OTULIN: variants seen among roughly 807,000 people sequenced by gnomAD.
OTULIN encodes ubiquitin thioesterase otulin.
OTULIN carries 15 observed loss-of-function variants against 39.6 expected under a neutral mutation model. That is an observed-to-expected ratio of 0.38 (90% CI 0.25 to 0.58). OTULIN has a LOEUF of 0.58. Among genes scored for constraint, OTULIN ranks in the 20% least tolerant of loss-of-function variants. OTULIN has a pLI of 0.66. For synonymous variants in OTULIN, 156 were observed against 170.3 expected (o/e 0.92, Z 0.65); for missense variants, 319 against 445.9 (o/e 0.72, Z 2.56).
the OTULIN span, chr5:14,712,979 G>T: frequency 6.2e-6 from 10 of 1,610,958 alleles, no homozygotes; most frequent in South Asian, 1.1e-4. Flanking sequence ...GCACCCTGCA[G>T]ATGAGAACAC....
chr5:14,711,126 G>A, the OTULIN span: 2 of 1,262,426 alleles, frequency 1.6e-6, no homozygotes, highest in Non-Finnish European at 2.3e-6. Flanking sequence ...AATACGATGG[G>A]AGAGGGAAGA....
the OTULIN span, chr5:14,713,114 C>A: frequency 1.2e-6 from 1 of 833,048 alleles, no homozygotes; most frequent in South Asian, 1.5e-5. The surrounding 1 kb of genome is among the most constrained non-coding windows in gnomAD (Gnocchi z 4.4). Flanking sequence ...TTCGTAAGGG[C>A]CGCAGCTAAT....
At chr5:14,704,055 G>A (rs1300433042), downstream of OTULIN, among the ~76,000 whole-genome samples, 1 of 152,106 alleles carries the variant, frequency 6.6e-6, no homozygotes, top group African/African-American at 2.4e-5. Context: ...ATGCTGGCCG[G>A]GCGTGGTGGC....
Position 14,673,734 on chromosome 5 carries a change from T to A in OTULIN, c.229+16T>A. 1.2e-6 allele frequency: 2 copies of A among 1,608,148 alleles called. No individual in the cohort carries two copies. The highest frequency in any genetic ancestry group is 8.5e-7 in the Non-Finnish European group (1 of 1,175,840). On this transcript the variant is annotated intron_variant, in intron 2 of 6. Transcript: ENST00000284274. ...GGGGCATCAGGTATGTTTGGAATTG[T>A]TTTATTTATAGAGTTCTTATTGTTT...
At chr5:14,681,425 A>T in intron 3 of OTULIN, 39 bp from the exon 4 acceptor site, 2 of 1,565,990 alleles carry the variant, frequency 1.3e-6, no homozygotes, top group South Asian at 2.4e-5. Context: ...ATCTCAAGTC[A>T]GTAACGACCA....
chr5:14,667,589 G>A (rs1474013413), intron 1 of OTULIN, among the ~76,000 whole-genome samples: 1 of 152,150 alleles, frequency 6.6e-6, no homozygotes, highest in Non-Finnish European at 1.5e-5. Context: ...GGCCCAGGCC[G>A]GTCTCTACCT....
chr5:14,692,768 A>G, intron 6 of OTULIN, 86 bp from the exon 7 acceptor site: 1 of 1,173,394 alleles, frequency 8.5e-7, no homozygotes, highest in Non-Finnish European at 1.2e-6. Flanking sequence ...ATTGCTGTGC[A>G]CTGTGGGATA....
intron 4 of OTULIN, among the ~76,000 whole-genome samples, chr5:14,687,253 C>T (rs258374): frequency 6.6e-6 from 1 of 151,944 alleles, no homozygotes; most frequent in Non-Finnish European, 1.5e-5. Flanking sequence ...ATGTCCTGGC[C>T]GTGGTTGGAG....
chr5:14,705,954 T>C, the OTULIN span: 1 of 152,186 alleles, frequency 6.6e-6, no homozygotes, highest in Middle Eastern at 3.2e-3. Context: ...CGCCATTTCT[T>C]GCCCTGGCTT....
At chr5:14,711,578 C>T in the OTULIN span, among the ~76,000 whole-genome samples, 3 of 152,192 alleles carry the variant, frequency 2.0e-5, no homozygotes, top group Non-Finnish European at 2.9e-5. Flanking sequence ...CCAGACAACC[C>T]GCTCCCTGCT....
downstream of OTULIN, among the ~76,000 whole-genome samples, chr5:14,700,553 A>G (rs1432165773): frequency 5.1e-5 from 2 of 38,844 alleles, no homozygotes; most frequent in African/African-American, 2.1e-4. Flanking sequence ...CCCCAACCCC[A>G]TGCCCACCCT....
chr5:14,692,599 TG>T (rs1287311908), intron 6 of OTULIN, among the ~76,000 whole-genome samples: 11 of 152,208 alleles, frequency 7.2e-5, no homozygotes, highest in African/African-American at 2.7e-4. Flanking sequence ...TTTGGTTTTT[TG>T]TTTTGTTAAT....
chr5:14,688,966 CTAA>C (rs1736454694), intron 5 of OTULIN, among the ~76,000 whole-genome samples: 2 of 152,312 alleles, frequency 1.3e-5, no homozygotes, highest in African/African-American at 4.8e-5. Context: ...GTTAAAATTA[CTAA>C]TAATCTGAGC....
At chr5:14,712,891 A>G in the OTULIN span, 1 of 1,611,696 alleles carries the variant, frequency 6.2e-7, no homozygotes, top group South Asian at 1.1e-5. Flanking sequence ...CGGTAGACAT[A>G]GCACGCAGCG....
chr5:14,690,324 G>T lies in OTULIN; in HGVS notation c.864+16G>T. On this transcript the variant is annotated intron_variant, in intron 6 of 6. Coordinates refer to ENST00000284274, the MANE Select transcript of OTULIN (RefSeq NM_138348.6). The surrounding 1 kb of genome is among the most constrained non-coding windows in gnomAD (Gnocchi z 4.5). ...TCTTGAACAGGTAAGTTGTGCTTTTGAGCATGTATTACCCCAAAATAAAGC... is the reference window on the plus strand; with the variant it reads ...TCTTGAACAGGTAAGTTGTGCTTTTTAGCATGTATTACCCCAAAATAAAGC... 1.2e-6 allele frequency: 2 copies of T among 1,609,542 alleles called. No individual in the cohort carries two copies. Among genetic ancestry groups the T allele is most frequent in the South Asian group, 2.2e-5 (2 of 90,718 alleles).
the OTULIN span, chr5:14,706,801 A>G: frequency 6.6e-6 from 1 of 152,252 alleles, no homozygotes. Context: ...ATAACCACAC[A>G]GAGGAGTATC....
chr5:14,711,565 G>A, the OTULIN span, among the ~76,000 whole-genome samples: 4 of 152,102 alleles, frequency 2.6e-5, no homozygotes, highest in African/African-American at 7.2e-5. Flanking sequence ...CCACTGCCCC[G>A]CCCCAGACAA....
At chr5:14,706,819 C>T in the OTULIN span, 17 of 152,140 alleles carry the variant, frequency 1.1e-4, no homozygotes, top group Non-Finnish European at 1.9e-4. Context: ...ATCCCAGACA[C>T]GTTGCTCAAA....
chr5:14,709,410 ACT>A, the OTULIN span: 1 of 152,152 alleles, frequency 6.6e-6, no homozygotes, highest in African/African-American at 2.4e-5. Context: ...AGGAAAAGCC[ACT>A]CTGAGGAAGC....
Sources: allele counts gnomAD v4.1 joint callset (sites outside exome capture counted in the v4.1 genomes callset), GRCh38; gene constraint gnomAD v4.1.1; non-coding constraint Gnocchi (gnomAD v3.1); transcripts MANE v1.5; gene names NCBI Gene and HGNC (gene_info 2026-07-23, HGNC 2026-07-21).